ZBTB7C: variants seen among roughly 807,000 people sequenced by gnomAD.
ZBTB7C encodes zinc finger and BTB domain-containing protein 7C.
ZBTB7C carries 8 observed loss-of-function variants against 25.7 expected under a neutral mutation model. The observed-to-expected ratio is 0.31, with a 90% CI of 0.18 to 0.56. ZBTB7C has a LOEUF of 0.56. Ranked by LOEUF, ZBTB7C falls within the 20% of genes least tolerant of loss-of-function variation. ZBTB7C has a pLI of 0.91. For missense variants in ZBTB7C, 824 were observed against 855.2 expected, an observed-to-expected ratio of 0.96 and a Z score of 0.46; for synonymous variants, 394 against 369.0, an observed-to-expected ratio of 1.07 and a Z score of -0.78.
intron 3 of ZBTB7C, among the ~76,000 whole-genome samples, chr18:48,155,353 A>T (rs1350615468): frequency 9.0e-6 from 1 of 111,550 alleles, no homozygotes; most frequent in Non-Finnish European, 1.7e-5. Context: ...TTTGAGACAG[A>T]GTCTCACTCT....
rs1269850426 is a variant in ZBTB7C at position 48,188,399 on chromosome 18, T to C, written c.-78-2404A>G. 2.6e-5 allele frequency among the ~76,000 whole-genome samples: 4 copies of C among 152,188 alleles called. No individual in the cohort carries two copies. In the East Asian group the frequency reaches 7.7e-4, roughly 29 times the overall value. On this transcript the variant is annotated intron_variant, in intron 2 of 4. Coordinates refer to ENST00000590800, the MANE Select transcript of ZBTB7C (RefSeq NM_001318841.2). ...CAGAGTGAAGAGGAGGAAAAGCCCC[T>C]TATAAAACCATTGGCTCTCGTGAGA...
At position 48,338,911 on chromosome 18, in the gene ZBTB7C, TGG is replaced by T. The variant is rs71165319; in HGVS notation, c.-303-515_-303-514del. On this transcript the variant is annotated intron_variant, in intron 1 of 4. Transcript: ENST00000590800. ...AGGCTTCTGGTGTTCTGTAGTTTGTTGGGGGGGGGGGGTCCAGGTAGGACACC... is the reference window on the plus strand; with the variant it reads ...AGGCTTCTGGTGTTCTGTAGTTTGTTGGGGGGGGGGTCCAGGTAGGACACC... Among the ~76,000 whole-genome samples, 61 of 137,982 alleles carry T rather than the reference TGG, an allele frequency of 4.4e-4. 2 individuals carry two copies. The highest frequency in any genetic ancestry group is 1.2e-3 in the African/African-American group (46 of 38,054). The allele number at this position is 137,982 out of a possible 152,430, so 90.5% of individuals were successfully genotyped here. A position where few individuals can be genotyped will look rare whatever the true frequency, so the allele number is the denominator to read the frequency against.
chr18:48,035,617 T>C (rs1598748040), intron 4 of ZBTB7C, among the ~76,000 whole-genome samples: 1 of 152,128 alleles, frequency 6.6e-6, no homozygotes. Context: ...GGCAAAAAGG[T>C]GTGCGGGGGC....
At chr18:48,385,955 C>T (rs1243010570) in intron 1 of ZBTB7C, among the ~76,000 whole-genome samples, 1 of 152,172 alleles carries the variant, frequency 6.6e-6, no homozygotes, top group African/African-American at 2.4e-5. Flanking sequence ...TCATTTTTAA[C>T]CCCTTATGGT....
At chr18:48,113,429 T>C (rs2039316938) in intron 3 of ZBTB7C, among the ~76,000 whole-genome samples, 2 of 152,230 alleles carry the variant, frequency 1.3e-5, no homozygotes, top group African/African-American at 4.8e-5. Flanking sequence ...TGGAGTTAAA[T>C]TGGTTTCTGA....
intron 3 of ZBTB7C, among the ~76,000 whole-genome samples, chr18:48,099,765 C>T (rs951580496): frequency 6.6e-6 from 1 of 152,220 alleles, no homozygotes; most frequent in Non-Finnish European, 1.5e-5. Flanking sequence ...CCCATCCATC[C>T]CCAGGCGGCT....
chr18:48,340,717 C>A (rs1301308699), intron 1 of ZBTB7C, among the ~76,000 whole-genome samples: 5 of 152,220 alleles, frequency 3.3e-5, no homozygotes, highest in Non-Finnish European at 7.3e-5. Flanking sequence ...AACATATTCA[C>A]AGCAGATGGT....
At chr18:48,404,998 G>A (rs187834356) in intron 1 of ZBTB7C, among the ~76,000 whole-genome samples, 1 of 152,122 alleles carries the variant, frequency 6.6e-6, no homozygotes, top group African/African-American at 2.4e-5. Context: ...TCTCCCCCTG[G>A]TAAAACCTGC....
chr18:48,060,059 T>C (rs1187215528), intron 3 of ZBTB7C, among the ~76,000 whole-genome samples: 1 of 151,744 alleles, frequency 6.6e-6, no homozygotes, highest in Admixed American at 6.6e-5. Context: ...AGCTCTACCA[T>C]TTTTTTTCGG....
At chr18:48,094,617 T>C (rs2038547367) in intron 3 of ZBTB7C, among the ~76,000 whole-genome samples, 1 of 151,998 alleles carries the variant, frequency 6.6e-6, no homozygotes, top group African/African-American at 2.4e-5. Context: ...GAGAGGACAT[T>C]TTTTTTTCTC....
intron 1 of ZBTB7C, chr18:48,364,110 C>T (rs1379797243): frequency 6.6e-6 from 1 of 152,202 alleles, no homozygotes; most frequent in Non-Finnish European, 1.5e-5. Flanking sequence ...CCTGTCTAGG[C>T]CCCCTTGTGT....
intron 3 of ZBTB7C, among the ~76,000 whole-genome samples, chr18:48,107,986 C>G (rs1472059710): frequency 6.6e-6 from 1 of 152,198 alleles, no homozygotes; most frequent in Non-Finnish European, 1.5e-5. Flanking sequence ...CTTTCTTTCT[C>G]CCCTCATGAA....
intron 2 of ZBTB7C, among the ~76,000 whole-genome samples, chr18:48,199,974 G>T (rs2042400110): frequency 6.9e-6 from 1 of 144,088 alleles, no homozygotes; most frequent in Non-Finnish European, 1.5e-5. Context: ...CTTCGGGTGA[G>T]AATTTGAGGA....
rs762834375 is a variant in ZBTB7C at position 48,164,661 on chromosome 18, G to A, written c.-17+21273C>T. Among the ~76,000 whole-genome samples, 45 of 151,978 alleles carry A rather than the reference G, an allele frequency of 3.0e-4. 2 individuals carry two copies. The highest frequency in any genetic ancestry group is 5.3e-4 in the Non-Finnish European group (36 of 68,018). On this transcript the variant is annotated intron_variant, in intron 3 of 4. Transcript: ENST00000590800. ...CTTTTTTTTGCATCTCTAAGTAAAGGCTAGTAAGCCCCTTGAATGCAGAGA... is the reference window on the plus strand; with the variant it reads ...CTTTTTTTTGCATCTCTAAGTAAAGACTAGTAAGCCCCTTGAATGCAGAGA...
At chr18:48,033,481 T>C (rs2035846210) in intron 4 of ZBTB7C, among the ~76,000 whole-genome samples, 4 of 152,170 alleles carry the variant, frequency 2.6e-5, no homozygotes, top group Non-Finnish European at 4.4e-5. Flanking sequence ...GACTGGGGTA[T>C]GCCAATGGGA....
rs1568166732 is a variant in ZBTB7C at position 48,040,318 on chromosome 18, AG to A, written c.789del (p.Phe264SerfsTer75). The A allele has an allele frequency of 6.3e-7, 1 of 1,588,224 alleles. No individual in the cohort carries two copies. Among genetic ancestry groups the A allele is most frequent in the Non-Finnish European group, 8.6e-7 (1 of 1,168,748 alleles). On this transcript the variant is annotated frameshift_variant, in exon 4 of 5. Transcript: ENST00000590800. LOFTEE classifies it high-confidence loss of function. ...PDFFPHLWPG[D>X]FGAFAQLPEQ... Reference sequence around the variant, plus strand: ...TCAGGCAGCTGGGCAAAGGCACCGAAGTCCCCTGGCCAGAGGTGTGGAAAGA... The same window carrying A: ...TCAGGCAGCTGGGCAAAGGCACCGAATCCCCTGGCCAGAGGTGTGGAAAGA...
chr18:48,377,766 G>A (rs190443392), intron 1 of ZBTB7C, among the ~76,000 whole-genome samples: 66 of 152,352 alleles, frequency 4.3e-4, no homozygotes, highest in Non-Finnish European at 6.8e-4. Context: ...TAAGTCAGCA[G>A]CGGAAGAAGC....
At chr18:48,119,664 C>G (rs28633660) in intron 3 of ZBTB7C, among the ~76,000 whole-genome samples, 8,865 of 152,278 alleles carry the variant, frequency 0.058, 309 homozygotes, top group South Asian at 0.1. Context: ...ACCAGGAACT[C>G]CTGGTGGGCC....
At chr18:48,165,154 G>A (rs2041199024) in intron 3 of ZBTB7C, 6 of 1,288,038 alleles carry the variant, frequency 4.7e-6, no homozygotes, top group Non-Finnish European at 6.1e-6. Context: ...TACAGAGGAG[G>A]AAATTTGCAG....
Sources: allele counts gnomAD v4.1 joint callset (sites outside exome capture counted in the v4.1 genomes callset), GRCh38; gene constraint gnomAD v4.1.1; transcripts MANE v1.5; gene names NCBI Gene and HGNC (gene_info 2026-07-23, HGNC 2026-07-21).